Variants in ADGRG6 observed in about 807,000 individuals in gnomAD.
The protein encoded by ADGRG6 is adhesion G protein-coupled receptor G6, also known as G-protein coupled receptor 126.
ADGRG6 carries 84 observed loss-of-function variants against 142.4 expected under a neutral mutation model. The observed-to-expected ratio is 0.59, with a 90% CI of 0.49 to 0.71. The LOEUF (loss-of-function observed/expected upper bound fraction) is 0.71. Ranked by LOEUF, ADGRG6 falls within the 30% of genes least tolerant of loss-of-function variation. ADGRG6 has a pLI of 0.00. For synonymous variants in ADGRG6, 521 were observed against 520.5 expected (o/e 1.00, Z -0.01); for missense variants, 1,367 against 1,466.6 (o/e 0.93, Z 1.11).
At chr6:142,345,713 G>A (rs1436129221) in intron 2 of ADGRG6, among the ~76,000 whole-genome samples, 2 of 152,128 alleles carry the variant, frequency 1.3e-5, no homozygotes, top group Non-Finnish European at 2.9e-5. Context: ...TCCAGTGACA[G>A]CATGGCTATT....
intron 2 of ADGRG6, among the ~76,000 whole-genome samples, chr6:142,364,590 A>T (rs1160295545): frequency 6.6e-6 from 1 of 152,222 alleles, no homozygotes; most frequent in African/African-American, 2.4e-5. Flanking sequence ...AATCCATGTT[A>T]TCCTCCCAAT....
intron 5 of ADGRG6, 92 bp downstream of exon 5, chr6:142,382,111 T>G (rs552821827): frequency 1.3e-6 from 1 of 779,668 alleles, no homozygotes; most frequent in East Asian, 2.8e-5. Context: ...TGTATCTGAA[T>G]TTTCACTTGG....
At chr6:142,325,459 G>A (rs77609584) in intron 2 of ADGRG6, among the ~76,000 whole-genome samples, 8,032 of 152,140 alleles carry the variant, frequency 0.053, 454 homozygotes, top group African/African-American at 0.14. Flanking sequence ...TTATGAGTTG[G>A]CCTGGGATTT....
chr6:142,334,791 G>A (rs1417407790), intron 2 of ADGRG6, among the ~76,000 whole-genome samples: 1 of 152,090 alleles, frequency 6.6e-6, no homozygotes, highest in African/African-American at 2.4e-5. Flanking sequence ...TGTTTCATAA[G>A]TATCTTTTAA....
intron 24 of ADGRG6, 139 bp downstream of exon 24, chr6:142,438,503 C>T (rs934479051): frequency 1.8e-5 from 9 of 508,426 alleles, no homozygotes; most frequent in South Asian, 4.4e-5. Flanking sequence ...CGTTTGAAGA[C>T]GTTATCCAAC....
intron 14 of ADGRG6, among the ~76,000 whole-genome samples, chr6:142,404,615 G>A (rs1775705459): frequency 6.6e-6 from 1 of 151,990 alleles, no homozygotes; most frequent in Non-Finnish European, 1.5e-5. Flanking sequence ...CTTCCCTCCA[G>A]CCTGGGCGAC....
intron 18 of ADGRG6, among the ~76,000 whole-genome samples, chr6:142,413,284 T>C (rs1221917759): frequency 6.6e-6 from 1 of 152,112 alleles, no homozygotes; most frequent in African/African-American, 2.4e-5. Flanking sequence ...CATTCACCAG[T>C]TCACCATATG....
At chr6:142,437,410 T>A (rs1321284411) in intron 22 of ADGRG6, 24 bp from the exon 23 acceptor site, 24 of 1,085,414 alleles carry the variant, frequency 2.2e-5, no homozygotes, top group Non-Finnish European at 3.4e-5. Flanking sequence ...TTGGCTTAAA[T>A]ATTTATATTT....
chr6:142,312,980 A>C (rs1232096064), intron 2 of ADGRG6, among the ~76,000 whole-genome samples: 1 of 152,050 alleles, frequency 6.6e-6, no homozygotes, highest in African/African-American at 2.4e-5. Context: ...CCCAGCACTT[A>C]TATAAGACTT....
chr6:142,412,247 A>G (rs1776125705), intron 18 of ADGRG6, among the ~76,000 whole-genome samples: 1 of 152,138 alleles, frequency 6.6e-6, no homozygotes, highest in African/African-American at 2.4e-5. Context: ...TCTGGGTTGT[A>G]GCATAGCCTT....
In ADGRG6 at chr6:142,417,290, G is replaced by A. The variant is rs1776410967; in HGVS notation, c.2956G>A (p.Val986Met). The A allele has an allele frequency of 6.3e-7, 1 of 1,597,770 alleles. No homozygotes were observed. Reference protein sequence around the residue: ...IIGWGLPALVVSVVLASRNNN... With the variant: ...IIGWGLPALVMSVVLASRNNN... Reference sequence around the variant, plus strand: ...TGTAACAGGTTTGCCTGCCTTAGTGGTGTCAGTTGTTCTAGCGAGCAGAAA... The same window carrying A: ...TGTAACAGGTTTGCCTGCCTTAGTGATGTCAGTTGTTCTAGCGAGCAGAAA... The change falls in exon 21 of 25, where the codon GTG (valine) becomes ATG (methionine). Residue 986 changes from valine to methionine, a missense_variant. Physicochemically the swap from Val to Met is conservative, Grantham distance 21 (BLOSUM62 1). This residue lies in a region of ADGRG6 where 344 missense variants were observed against 348.7 expected (regional missense o/e 0.99). Coordinates refer to ENST00000367609, the MANE Select transcript of ADGRG6 (RefSeq NM_198569.3).
intron 3 of ADGRG6, among the ~76,000 whole-genome samples, chr6:142,369,887 A>T (rs1240732577): frequency 1.3e-5 from 2 of 152,198 alleles, no homozygotes; most frequent in African/African-American, 2.4e-5. Flanking sequence ...TAGTTTCAGG[A>T]TTAAAAAATA....
At position 142,405,810 on chromosome 6, in the gene ADGRG6, C is replaced by T. The variant is rs369758324; in HGVS notation, c.2250C>T (p.Asn750=). The T allele has an allele frequency of 2.4e-5, 39 of 1,599,716 alleles. No individual in the cohort carries two copies. The Admixed American group carries it at 2.8e-4, about 12-fold the overall frequency. Residue 750 remains asparagine, a synonymous_variant, in exon 15 of 25, where the codon AAC becomes AAT. Coordinates refer to ENST00000367609, the MANE Select transcript of ADGRG6 (RefSeq NM_198569.3). ...LVRRAQFTFF[N]KTGLFQDVGP... ...GAAGAGCACAGTTTACTTTCTTCAA[C>T]AAAACTGGACTTTTCCAGGTAAGCA...
At chr6:142,388,762 G>C (rs962480314) in intron 6 of ADGRG6, among the ~76,000 whole-genome samples, 1 of 152,018 alleles carries the variant, frequency 6.6e-6, no homozygotes, top group Non-Finnish European at 1.5e-5. Context: ...CCGAATGCCT[G>C]TTGTTTTCCC....
intron 2 of ADGRG6, among the ~76,000 whole-genome samples, chr6:142,359,724 C>A (rs1780626637): frequency 6.6e-6 from 1 of 152,124 alleles, no homozygotes; most frequent in Non-Finnish European, 1.5e-5. Flanking sequence ...ATTCCCAGAA[C>A]CTGGCACAGT....
rs769245255 is a variant in ADGRG6 at position 142,405,671 on chromosome 6, C to CTG, written c.2128-6_2128-5dup. Reference sequence around the variant, plus strand: ...AATTATGATTACTTGACCAATATATCTGTGTGTGTGTGACAGATGGATTTT... The same window carrying CTG: ...AATTATGATTACTTGACCAATATATCTGTGTGTGTGTGTGACAGATGGATTTT... On this transcript the variant is annotated splice_polypyrimidine_tract_variant and intron_variant, in intron 14 of 24. Coordinates refer to ENST00000367609, the MANE Select transcript of ADGRG6 (RefSeq NM_198569.3). The CTG allele has an allele frequency of 1.6e-4, 251 of 1,580,022 alleles. No individual in the cohort carries two copies. The highest frequency in any genetic ancestry group is 8.2e-4 in the African/African-American group (61 of 74,166).
chr6:142,419,714 C>T, intron 21 of ADGRG6, 107 bp from the exon 22 acceptor site: 1 of 784,760 alleles, frequency 1.3e-6, no homozygotes, highest in Non-Finnish European at 2.0e-6. Context: ...TTTCTAAAGA[C>T]ATTTGAGAGG....
chr6:142,308,905 A>G (rs1195318333), intron 1 of ADGRG6, among the ~76,000 whole-genome samples: 1 of 151,844 alleles, frequency 6.6e-6, no homozygotes. Context: ...TTGAGTTTTC[A>G]AAGCACCACC....
In ADGRG6 at chr6:142,307,380, A is replaced by G. The variant is rs79860641; in HGVS notation, c.3-2164A>G. 8.5e-5 allele frequency among the ~76,000 whole-genome samples: 13 copies of G among 152,134 alleles called. No individual in the cohort carries two copies. In the East Asian group the frequency reaches 2.3e-3, roughly 27 times the overall value. The stretch of plus-strand genomic sequence containing the variant: ...AAATGAGGTTAGATTAGACTTCAGC[A>G]TTGGTCCTCCTAGCTCTAAATTTCT... On this transcript the variant is annotated intron_variant, in intron 1 of 24. Coordinates refer to ENST00000367609, the MANE Select transcript of ADGRG6 (RefSeq NM_198569.3).
Sources: allele counts gnomAD v4.1 joint callset (sites outside exome capture counted in the v4.1 genomes callset), GRCh38; gene constraint gnomAD v4.1.1; regional missense constraint gnomAD v4.1.1; transcripts MANE v1.5; gene names NCBI Gene and HGNC (gene_info 2026-07-23, HGNC 2026-07-21).